MARCHF4: variants seen among roughly 807,000 people sequenced by gnomAD.
The protein encoded by MARCHF4 is membrane associated ring-CH-type finger 4, also known as E3 ubiquitin-protein ligase MARCHF4.
MARCHF4 carries 14 observed loss-of-function variants against 43.9 expected under a neutral mutation model. The ratio of observed to expected loss-of-function variants is 0.32; its 90% CI spans 0.21 to 0.50. The LOEUF (loss-of-function observed/expected upper bound fraction) is 0.50, where lower values mean the gene tolerates loss of function less well. Ranked by LOEUF, MARCHF4 falls within the 20% of genes least tolerant of loss-of-function variation. The pLI is 0.98. For synonymous variants in MARCHF4, 226 were observed against 213.3 expected, an observed-to-expected ratio of 1.06 and a Z score of -0.52; for missense variants, 468 against 536.7, an observed-to-expected ratio of 0.87 and a Z score of 1.27.
At position 216,259,654 on chromosome 2, in the gene MARCHF4, C is replaced by T. The variant is rs16855795; in HGVS notation, c.891G>A (p.Ser297=). 4.3e-3 allele frequency: 6,883 copies of T among 1,613,994 alleles called. 162 individuals carry two copies. In the African/African-American group the frequency reaches 0.062, roughly 15 times the overall value. ...CIGLIIHEGP[S]VYRIFKRWQA... ...GCCACCGTTTAAAGATGCGGTACAC[C>T]GAGGGTCCTTCATGGATGATGAGAC... Residue 297 remains serine, a synonymous_variant, in exon 4 of 4, where the codon TCG becomes TCA. Transcript: ENST00000273067.
intron 1 of MARCHF4, among the ~76,000 whole-genome samples, chr2:216,300,940 T>C (rs1440586838): frequency 6.6e-6 from 1 of 152,160 alleles, no homozygotes; most frequent in Non-Finnish European, 1.5e-5. Context: ...AACTGATGAT[T>C]CTTAATAGAG....
At chr2:216,284,120 G>A (rs1351350115) in intron 1 of MARCHF4, among the ~76,000 whole-genome samples, 1 of 152,174 alleles carries the variant, frequency 6.6e-6, no homozygotes, top group East Asian at 1.9e-4. Context: ...GGACAGACAG[G>A]CAACAGAGAT....
intron 1 of MARCHF4, among the ~76,000 whole-genome samples, chr2:216,364,803 A>G (rs1692640638): frequency 6.6e-6 from 1 of 152,262 alleles, no homozygotes. Context: ...ACCAAAGGAC[A>G]GTTATCCCCA....
intron 3 of MARCHF4, among the ~76,000 whole-genome samples, chr2:216,269,611 G>A (rs1020902396): frequency 6.6e-6 from 1 of 152,140 alleles, no homozygotes; most frequent in African/African-American, 2.4e-5. Context: ...TTCCCTCTGA[G>A]GGGAATCCAC....
intron 1 of MARCHF4, among the ~76,000 whole-genome samples, chr2:216,286,545 A>G (rs1229473319): frequency 1.3e-5 from 2 of 151,992 alleles, no homozygotes; most frequent in Non-Finnish European, 2.9e-5. Flanking sequence ...GAAGAAGAAG[A>G]AAATAAAGCA....
chr2:216,259,877 G>T (rs1690713433), intron 3 of MARCHF4, 198 bp from the exon 4 acceptor site: 2 of 593,880 alleles, frequency 3.4e-6, no homozygotes, highest in Middle Eastern at 4.5e-4. Flanking sequence ...CCGAGTCCAT[G>T]AAATAGTTGA....
At chr2:216,338,822 A>G (rs2105973231) in intron 1 of MARCHF4, among the ~76,000 whole-genome samples, 1 of 152,294 alleles carries the variant, frequency 6.6e-6, no homozygotes, top group Middle Eastern at 3.4e-3. Context: ...GTCATTGAAT[A>G]GTTACTGAGT....
chr2:216,277,857 G>A lies in MARCHF4; in HGVS notation c.680C>T (p.Ala227Val). Reference protein sequence around the residue: ...ISTKNPLQWQAISLTVIEKVQ... With the variant: ...ISTKNPLQWQVISLTVIEKVQ... ...CTTCTCAATGACCGTCAGAGAGATG[G>A]CCTGCCACTGCAGGGGAGAGAGTGG... Residue 227 changes from alanine to valine, a missense_variant, in exon 3 of 4, where the codon GCC becomes GTC. This residue lies in a region of MARCHF4 where 158 missense variants were observed against 251.1 expected (regional missense o/e 0.63). Transcript: ENST00000273067. 1 of 1,608,466 alleles carries A rather than the reference G, an allele frequency of 6.2e-7. No homozygotes were observed. The highest frequency in any genetic ancestry group is 1.1e-5 in the South Asian group (1 of 90,788).
chr2:216,339,679 C>T (rs1256972843), intron 1 of MARCHF4, among the ~76,000 whole-genome samples: 2 of 152,246 alleles, frequency 1.3e-5, no homozygotes, highest in East Asian at 3.9e-4. Flanking sequence ...CCTCATCTGC[C>T]CTCCTGGTCA....
chr2:216,323,085 A>G (rs1313770213), intron 1 of MARCHF4, among the ~76,000 whole-genome samples: 1 of 152,184 alleles, frequency 6.6e-6, no homozygotes, highest in African/African-American at 2.4e-5. Context: ...GGTTTTCTGA[A>G]TGAGTGTACC....
intron 2 of MARCHF4, among the ~76,000 whole-genome samples, chr2:216,279,022 C>T (rs1691080423): frequency 6.6e-6 from 1 of 152,176 alleles, no homozygotes; most frequent in South Asian, 2.1e-4. Context: ...AGACAAGGTG[C>T]CTGCCCCTGT....
At chr2:216,319,429 G>A (rs1189923033) in intron 1 of MARCHF4, among the ~76,000 whole-genome samples, 2 of 152,118 alleles carry the variant, frequency 1.3e-5, no homozygotes. Context: ...ACTCATAAAT[G>A]CTCGTGGAAT....
At chr2:216,267,265 G>A (rs1309442540) in intron 3 of MARCHF4, among the ~76,000 whole-genome samples, 1 of 152,164 alleles carries the variant, frequency 6.6e-6, no homozygotes, top group Non-Finnish European at 1.5e-5. Context: ...AGCCAGGCCA[G>A]CATTTAAGAA....
At chr2:216,352,586 G>A (rs942488757) in intron 1 of MARCHF4, among the ~76,000 whole-genome samples, 5 of 151,904 alleles carry the variant, frequency 3.3e-5, no homozygotes, top group Non-Finnish European at 5.9e-5. Flanking sequence ...TGAACTCCTG[G>A]GCTCAAGCCA....
At chr2:216,309,785 C>T (rs1358277064) in intron 1 of MARCHF4, among the ~76,000 whole-genome samples, 1 of 152,202 alleles carries the variant, frequency 6.6e-6, no homozygotes, top group African/African-American at 2.4e-5. Context: ...TAACCACATG[C>T]AGCCATTCAC....
chr2:216,320,740 G>A (rs1400561144), intron 1 of MARCHF4, among the ~76,000 whole-genome samples: 3 of 145,290 alleles, frequency 2.1e-5, no homozygotes, highest in Non-Finnish European at 3.0e-5. Context: ...GCGCGATCTC[G>A]GCTCACTGCA....
rs114735750 is a variant in MARCHF4, at chr2:216,361,575, A to G, written c.516+8170T>C. ...GAGTGCTGCTTAATAAAGATCTGTCAGGGACCTGGTGATGATGGAGATGGA... is the reference window on the plus strand; with the variant it reads ...GAGTGCTGCTTAATAAAGATCTGTCGGGGACCTGGTGATGATGGAGATGGA... On this transcript the variant is annotated intron_variant, in intron 1 of 3. Transcript: ENST00000273067. 3.5e-3 allele frequency among the ~76,000 whole-genome samples: 531 copies of G among 152,314 alleles called. 3 individuals are homozygous for G. The highest frequency in any genetic ancestry group is 0.012 in the African/African-American group (508 of 41,568).
intron 1 of MARCHF4, among the ~76,000 whole-genome samples, chr2:216,313,064 A>G (rs1051130534): frequency 6.6e-6 from 1 of 151,964 alleles, no homozygotes; most frequent in Non-Finnish European, 1.5e-5. Flanking sequence ...GTGTATGGTG[A>G]GAGAGAGGGG....
chr2:216,287,691 C>T (rs191089532), intron 1 of MARCHF4, among the ~76,000 whole-genome samples: 9 of 150,154 alleles, frequency 6.0e-5, no homozygotes, highest in South Asian at 2.1e-4. Flanking sequence ...TAATGCTAAA[C>T]GACGAGTTAA....
Sources: gnomAD v4.1 joint callset for allele counts (sites outside exome capture counted in the v4.1 genomes callset) on GRCh38, gnomAD v4.1.1 for gene constraint, gnomAD v4.1.1 regional missense constraint, MANE v1.5 for transcripts, NCBI Gene and HGNC (gene_info 2026-07-23, HGNC 2026-07-21) for gene names.